CINP: variants seen among roughly 807,000 people sequenced by gnomAD.
The protein encoded by CINP is cyclin dependent kinase 2 interacting protein, also known as cyclin-dependent kinase 2-interacting protein.
A neutral mutation model predicts 20.5 loss-of-function variants in CINP; 11 were observed. That is an observed-to-expected ratio of 0.54 (90% CI 0.34 to 0.89). The LOEUF (loss-of-function observed/expected upper bound fraction) is 0.89. Among genes scored for constraint, CINP ranks in the 40% least tolerant of loss-of-function variants. CINP has a pLI of 0.02. For missense variants in CINP, 213 were observed against 251.0 expected (o/e 0.85, Z 1.02); for synonymous variants, 108 against 102.1 (o/e 1.06, Z -0.35).
rs189113189 is a variant in CINP, at chr14:102,362,833, G to T, written c.7+12C>A. On this transcript the variant is annotated intron_variant, in intron 1 of 4. Transcript: ENST00000216756. ...GCCACCCCACCCCGGGAAAGGAACC[G>T]ATCTCACGCACCTTCCATAAGGTCC... 32 of 1,614,038 alleles carry T rather than the reference G, an allele frequency of 2.0e-5. No homozygotes were observed. The African/African-American group carries it at 2.7e-4, about 13-fold the overall frequency.
At chr14:102,362,206 C>G (rs191701593) in intron 1 of CINP, among the ~76,000 whole-genome samples, 4 of 152,238 alleles carry the variant, frequency 2.6e-5, no homozygotes, top group African/African-American at 7.2e-5. Context: ...TATTTAGGAA[C>G]CAAAAACATA....
At position 102,359,550 on chromosome 14, in the gene CINP, G is replaced by A; in HGVS notation, c.45C>T (p.Val15=). Residue 15 remains valine (V), a synonymous_variant, in exon 2 of 5, where the codon GTC becomes GTT. Transcript: ENST00000216756. ...TAATTTTTCTTGCACTGACAGATAA[G>A]ACAGGTTTTCTGGGCGTTACAGTTC... The part of the protein sequence containing the change: ...TLGTVTPRKP[V]LSVSARKIKD... 6.2e-7 allele frequency: 1 copy of A among 1,612,784 alleles called. No individual in the cohort carries two copies. Among genetic ancestry groups the A allele is most frequent in the Non-Finnish European group, 8.5e-7 (1 of 1,179,374 alleles).
At chr14:102,361,510 G>T (rs1314516647) in intron 1 of CINP, among the ~76,000 whole-genome samples, 1 of 152,138 alleles carries the variant, frequency 6.6e-6, no homozygotes, top group Non-Finnish European at 1.5e-5. Context: ...GCGTGGTGGC[G>T]GGCGCCTGTA....
At chr14:102,349,578 A>G (rs1886820143) in intron 4 of CINP, among the ~76,000 whole-genome samples, 1 of 152,154 alleles carries the variant, frequency 6.6e-6, no homozygotes, top group African/African-American at 2.4e-5. Flanking sequence ...AACAAAAGAA[A>G]AACCTCAACA....
At chr14:102,353,311 G>A (rs1886915199) in intron 3 of CINP, among the ~76,000 whole-genome samples, 1 of 152,174 alleles carries the variant, frequency 6.6e-6, no homozygotes, top group Non-Finnish European at 1.5e-5. Context: ...GGGAGGAGGA[G>A]AAAGAGCAAC....
rs563676431 is a variant in CINP at position 102,352,015 on chromosome 14, G to A, written c.307-1967C>T. The stretch of plus-strand genomic sequence containing the variant: ...TTCTCCTGCCTCAGCCTCCCAAGTA[G>A]CTGGGACTACAGGCGCCCGCCACTG... On this transcript the variant is annotated intron_variant, in intron 3 of 4. Transcript: ENST00000216756. Among the ~76,000 whole-genome samples, 17 of 152,230 alleles carry A rather than the reference G, an allele frequency of 1.1e-4. No individual in the cohort carries two copies. In the South Asian group the frequency reaches 3.3e-3, roughly 30 times the overall value.
chr14:102,352,491 C>G (rs185001630), intron 3 of CINP: 4 of 455,672 alleles, frequency 8.8e-6, no homozygotes, highest in South Asian at 6.2e-5. Flanking sequence ...TTAGGAAGAA[C>G]GGTGCATGAA....
chr14:102,352,107 C>T (rs1187736198), intron 3 of CINP, among the ~76,000 whole-genome samples: 6 of 152,054 alleles, frequency 3.9e-5, no homozygotes, highest in Non-Finnish European at 7.4e-5. Flanking sequence ...AGGATGGTCT[C>T]GATCTCCTGA....
chr14:102,353,861 G>A (rs1311446168), intron 3 of CINP, among the ~76,000 whole-genome samples: 1 of 152,132 alleles, frequency 6.6e-6, no homozygotes, highest in African/African-American at 2.4e-5. Context: ...GGCCAAGGTG[G>A]GAAGATCACT....
intron 3 of CINP, among the ~76,000 whole-genome samples, chr14:102,350,403 T>C (rs1254023470): frequency 1.3e-5 from 2 of 151,800 alleles, no homozygotes; most frequent in African/African-American, 4.8e-5. Context: ...TTTTCTTTTT[T>C]TTTTTGCGAC....
Position 102,360,991 on chromosome 14 carries a change from G to A in CINP, c.8-1404C>T, listed in dbSNP as rs148530817. ...GGGGAATGAAGTGATTGAATGAGAC[G>A]GACCAGGACCGTTTTCATGGAACTT... is the stretch of plus-strand genomic sequence containing the variant. On this transcript the variant is annotated intron_variant, in intron 1 of 4. Coordinates refer to ENST00000216756, the MANE Select transcript of CINP (RefSeq NM_032630.3). 4.5e-3 allele frequency among the ~76,000 whole-genome samples: 684 copies of A among 152,254 alleles called. 8 individuals are homozygous for A. Among genetic ancestry groups the A allele is most frequent in the African/African-American group, 0.016 (649 of 41,536 alleles).
At chr14:102,355,714 G>A (rs531066267) in intron 3 of CINP, 54 bp downstream of exon 3, 26 of 1,600,834 alleles carry the variant, frequency 1.6e-5, no homozygotes, top group Admixed American at 1.0e-4. Flanking sequence ...CCCCAAATAC[G>A]TCCATCGGAT....
At chr14:102,355,732 C>A in intron 3 of CINP, 36 bp downstream of exon 3, 1 of 1,609,670 alleles carries the variant, frequency 6.2e-7, no homozygotes. Flanking sequence ...GATTCAGTGA[C>A]AGTGACCACA....
At chr14:102,357,448 C>CA in intron 2 of CINP, among the ~76,000 whole-genome samples, 1 of 150,278 alleles carries the variant, frequency 6.7e-6, no homozygotes. Context: ...AACAGTTGGC[C>CA]AAGTTGTGAA....
In CINP at chr14:102,348,719, C is replaced by G. The variant is rs2139623161; in HGVS notation, c.477G>C (p.Glu159Asp). 6.2e-7 allele frequency: 1 copy of G among 1,613,872 alleles called. No homozygotes were observed. Among genetic ancestry groups the G allele is most frequent in the East Asian group, 2.2e-5 (1 of 44,874 alleles). ...SHKLLEMYRK[E>D]LLLKRTVAKE... Reference sequence around the variant, plus strand: ...TGGCCACCGTGCGCTTCAGGAGCAGCTCCTTCCTGTACATCTCCAAGAGCT... The same window carrying G: ...TGGCCACCGTGCGCTTCAGGAGCAGGTCCTTCCTGTACATCTCCAAGAGCT... Residue 159 changes from glutamate (E) to aspartate (D), a missense_variant, in exon 5 of 5, where the codon GAG becomes GAC. By Grantham distance (45) the Glu-to-Asp change is conservative. Coordinates refer to ENST00000216756, the MANE Select transcript of CINP (RefSeq NM_032630.3).
chr14:102,348,515 T>A lies in CINP; in HGVS notation c.*42A>T. ...GGTCCTAGGCAGACTGTCTGCCTGG[T>A]GAGACGTGGAAGGAGCCAGTGTCCG... On this transcript the variant is annotated 3_prime_UTR_variant, in exon 5 of 5. Coordinates refer to ENST00000216756, the MANE Select transcript of CINP (RefSeq NM_032630.3). 1 of 1,549,472 alleles carries A rather than the reference T, an allele frequency of 6.5e-7. No homozygotes were observed. The highest frequency in any genetic ancestry group is 8.8e-7 in the Non-Finnish European group (1 of 1,140,812).
Position 102,362,714 on chromosome 14 carries a change from T to G in CINP, c.7+131A>C, listed in dbSNP as rs1471831188. ...GCTGCGAGGGGCCTGCGGGCTAGGC[T>G]GGGGTAAGACAGAGGACCTCCATTT... On this transcript the variant is annotated intron_variant, in intron 1 of 4. Coordinates refer to ENST00000216756, the MANE Select transcript of CINP (RefSeq NM_032630.3). 4 of 1,255,516 alleles carry G rather than the reference T, an allele frequency of 3.2e-6. No individual in the cohort carries two copies. In the African/African-American group the frequency reaches 5.9e-5, roughly 19 times the overall value. 77.8% of individuals were successfully genotyped at this position (1,255,516 alleles called of 1,614,324 possible). A position where few individuals can be genotyped will look rare whatever the true frequency, so the allele number is the denominator to read the frequency against.
intron 3 of CINP, among the ~76,000 whole-genome samples, chr14:102,350,377 T>C (rs1304997403): frequency 1.3e-5 from 2 of 151,666 alleles, no homozygotes; most frequent in Admixed American, 1.3e-4. Context: ...GGCAGGCTCT[T>C]GCTGCCTTTT....
Position 102,362,889 on chromosome 14 carries a change from C to G in CINP, c.-38G>C. On this transcript the variant is annotated 5_prime_UTR_variant, in exon 1 of 5. Transcript: ENST00000216756. ...TATCCGTAGAAGGAGACGCGAAGCC[C>G]CGCCCACCCCACCGGAAACGCATTT... 5 of 1,613,238 alleles carry G rather than the reference C, an allele frequency of 3.1e-6. No homozygotes were observed. The highest frequency in any genetic ancestry group is 4.2e-6 in the Non-Finnish European group (5 of 1,179,480).
Sources: allele counts gnomAD v4.1 joint callset (sites outside exome capture counted in the v4.1 genomes callset), GRCh38; gene constraint gnomAD v4.1.1; transcripts MANE v1.5; gene names NCBI Gene and HGNC (gene_info 2026-07-23, HGNC 2026-07-21).